The following ZC4H2 variants were observed in gnomAD, a reference collection of about 807,000 sequenced individuals.
ZC4H2 encodes the protein zinc finger C4H2-type containing, also known as zinc finger C4H2 domain-containing protein.
For missense variants in ZC4H2, 137 were observed against 173.9 expected (o/e 0.79, Z 1.19); for synonymous variants, 84 against 66.3 (o/e 1.27, Z -1.30).
chrX:65,023,066 G>A (rs1057198920), intron 1 of ZC4H2, among the ~76,000 whole-genome samples: 3 of 111,749 alleles, frequency 2.7e-5, no homozygotes, highest in Admixed American at 9.5e-5. Context: ...CTGTAGCCTT[G>A]TAGTATAGTT....
intron 1 of ZC4H2, among the ~76,000 whole-genome samples, chrX:64,951,589 T>G (rs1356986071): frequency 8.9e-6 from 1 of 112,458 alleles, no homozygotes; most frequent in Non-Finnish European, 1.9e-5. Flanking sequence ...TTTGGCTGCA[T>G]AAATGTCTTC....
chrX:64,919,247 T>A (rs1276515498), intron 3 of ZC4H2, 43 bp from the exon 4 acceptor site: 1 of 1,190,647 alleles, frequency 8.4e-7, no homozygotes, highest in Non-Finnish European at 1.1e-6. Context: ...CTGAAAGCAA[T>A]GAGAACCTTG....
intron 1 of ZC4H2, among the ~76,000 whole-genome samples, chrX:65,021,366 C>G (rs1299506972): frequency 9.0e-6 from 1 of 111,237 alleles, no homozygotes; most frequent in Non-Finnish European, 1.9e-5. Flanking sequence ...GATTAAGAAA[C>G]TCACTCAAAA....
At chrX:65,002,623 G>A (rs1932566480) in intron 1 of ZC4H2, among the ~76,000 whole-genome samples, 1 of 111,798 alleles carries the variant, frequency 8.9e-6, no homozygotes, top group African/African-American at 3.3e-5. Context: ...AGAAAAGGGG[G>A]AAATGTGGGG....
At chrX:64,920,952 A>G (rs1294021366) in intron 2 of ZC4H2, among the ~76,000 whole-genome samples, 2 of 112,173 alleles carry the variant, frequency 1.8e-5, no homozygotes, top group Admixed American at 1.9e-4. Flanking sequence ...TATCTTCCTC[A>G]TTTAACTGGC....
chrX:65,002,403 G>C (rs1932557746), intron 1 of ZC4H2, among the ~76,000 whole-genome samples: 1 of 104,963 alleles, frequency 9.5e-6, no homozygotes, highest in Non-Finnish European at 2.0e-5. Context: ...GAGGCGGGGG[G>C]TCAGCCCCCG....
chrX:64,963,086 C>T (rs1931459617), intron 1 of ZC4H2, among the ~76,000 whole-genome samples: 1 of 110,993 alleles, frequency 9.0e-6, no homozygotes, highest in South Asian at 3.7e-4. Context: ...TAAAAACAGA[C>T]ATAGAGGCCA....
rs146837272 is a variant in ZC4H2 at position 65,018,426 on chromosome X, G to C, written c.-272+16203C>G. Among the ~76,000 whole-genome samples the C allele has an allele frequency of 8.6e-3, 969 of 112,158 alleles. 34 individuals carry two copies. Among genetic ancestry groups the C allele is most frequent in the Admixed American group, 0.074 (780 of 10,604 alleles). ...GTTGCCTCACCTGGGAAGCACAAAG[G>C]GTTGGTGGATTTCCTTCCCCTAGCC... On this transcript the variant is annotated intron_variant, in intron 1 of 4. Coordinates refer to the ZC4H2 transcript ENST00000337990.
At chrX:64,979,979 A>G (rs1932051565), upstream of ZC4H2, among the ~76,000 whole-genome samples, 1 of 111,966 alleles carries the variant, frequency 8.9e-6, no homozygotes, top group African/African-American at 3.2e-5. Flanking sequence ...TTAAAAATGG[A>G]GGCCAGAATA....
At chrX:64,986,899 C>T (rs1422020291) in intron 1 of ZC4H2, among the ~76,000 whole-genome samples, 2 of 108,469 alleles carry the variant, frequency 1.8e-5, no homozygotes, top group Non-Finnish European at 3.8e-5. Flanking sequence ...AAATATTTTC[C>T]GTAGACACAG....
intron 1 of ZC4H2, 108 bp from the exon 2 acceptor site, chrX:64,922,096 G>C (rs1929223375): frequency 8.9e-7 from 1 of 1,118,478 alleles, no homozygotes; most frequent in East Asian, 3.3e-5. Flanking sequence ...CCCTCTCCAG[G>C]CAGAGCCAAC....
intron 1 of ZC4H2, among the ~76,000 whole-genome samples, chrX:64,997,569 A>G (rs1458047883): frequency 2.7e-5 from 3 of 112,840 alleles, no homozygotes; most frequent in African/African-American, 6.4e-5. Flanking sequence ...CATAGAAGTA[A>G]TTTGTGACAA....
At chrX:64,964,445 A>T (rs1252969983) in intron 1 of ZC4H2, among the ~76,000 whole-genome samples, 1 of 111,608 alleles carries the variant, frequency 9.0e-6, no homozygotes, top group African/African-American at 3.2e-5. Context: ...CCAGTAAAGG[A>T]GTCAGAAACA....
chrX:64,949,078 T>C (rs181535952), intron 1 of ZC4H2, among the ~76,000 whole-genome samples: 25 of 111,908 alleles, frequency 2.2e-4, no homozygotes, highest in Admixed American at 1.9e-3. Context: ...AAAAGGTTTA[T>C]GGGAATCTCA....
intron 1 of ZC4H2, among the ~76,000 whole-genome samples, chrX:65,020,521 G>A (rs1377581412): frequency 9.0e-6 from 1 of 111,627 alleles, no homozygotes; most frequent in Admixed American, 9.5e-5. Flanking sequence ...TGCCTAACAA[G>A]GGCTCCTGAA....
intron 1 of ZC4H2, among the ~76,000 whole-genome samples, chrX:64,964,158 A>G (rs1931503124): frequency 9.0e-6 from 1 of 111,136 alleles, no homozygotes; most frequent in Non-Finnish European, 1.9e-5. Context: ...ATAAATATAA[A>G]ATTTGTTGAG....
At chrX:64,940,528 T>C (rs888159918) in intron 1 of ZC4H2, among the ~76,000 whole-genome samples, 5 of 112,110 alleles carry the variant, frequency 4.5e-5, no homozygotes, top group African/African-American at 6.5e-5. Context: ...TTTATGATTT[T>C]AGGTCTTACA....
At chrX:64,927,553 C>A (rs1054369875) in intron 1 of ZC4H2, among the ~76,000 whole-genome samples, 3 of 111,950 alleles carry the variant, frequency 2.7e-5, no homozygotes, top group Non-Finnish European at 5.6e-5. Flanking sequence ...TGGGTTGGTT[C>A]CAAGTCTTTG....
At chrX:64,945,374 C>T (rs910357947) in intron 1 of ZC4H2, among the ~76,000 whole-genome samples, 3 of 111,973 alleles carry the variant, frequency 2.7e-5, no homozygotes, top group Non-Finnish European at 5.6e-5. Flanking sequence ...TGGTGGTCCA[C>T]TCCAGATCCT....
Sources: gnomAD v4.1 joint callset for allele counts (sites outside exome capture counted in the v4.1 genomes callset) on GRCh38, gnomAD v4.1.1 for gene constraint, MANE v1.5 for transcripts, NCBI Gene and HGNC (gene_info 2026-07-23, HGNC 2026-07-21) for gene names.